HDAC11: variants seen among roughly 807,000 people sequenced by gnomAD.
HDAC11 encodes histone deacetylase 11.
Under a neutral mutation model 41.1 loss-of-function variants are expected in HDAC11, and 23 were observed. That is an observed-to-expected ratio of 0.56 (90% CI 0.40 to 0.79). The LOEUF (loss-of-function observed/expected upper bound fraction) is 0.79, where lower values mean the gene tolerates loss of function less well. Ranked by LOEUF, HDAC11 falls within the 30% of genes least tolerant of loss-of-function variation. HDAC11 has a pLI of 0.00. For synonymous variants in HDAC11, 187 were observed against 186.6 expected (o/e 1.00, Z -0.02); for missense variants, 402 against 477.3 (o/e 0.84, Z 1.47).
In HDAC11 at chr3:13,501,851, T is replaced by A. The variant is rs776811817; in HGVS notation, c.490-20T>A. 6.2e-7 allele frequency: 1 copy of A among 1,613,052 alleles called. No homozygotes were observed. The highest frequency in any genetic ancestry group is 1.1e-5 in the South Asian group (1 of 91,056). Reference sequence around the variant, plus strand: ...TCTGTCCGCCCCAGATCCTCATGTCTACCCTCTCCTCCCTGGCAGTTTCTG... The same window carrying A: ...TCTGTCCGCCCCAGATCCTCATGTCAACCCTCTCCTCCCTGGCAGTTTCTG... On this transcript the variant is annotated intron_variant, in intron 6 of 9. Coordinates refer to ENST00000295757, the MANE Select transcript of HDAC11 (RefSeq NM_024827.4).
intron 3 of HDAC11, among the ~76,000 whole-genome samples, chr3:13,485,229 G>A (rs1701504356): frequency 6.6e-6 from 1 of 152,230 alleles, no homozygotes; most frequent in African/African-American, 2.4e-5. Context: ...TCTAGATAGG[G>A]CCACGACAGT....
At chr3:13,492,925 T>C (rs1386971309) in intron 3 of HDAC11, among the ~76,000 whole-genome samples, 3 of 152,140 alleles carry the variant, frequency 2.0e-5, no homozygotes, top group African/African-American at 7.2e-5. Context: ...CAAAGCCTTG[T>C]TTTATAGATG....
intron 5 of HDAC11, 63 bp downstream of exon 5, chr3:13,498,618 G>A: frequency 6.6e-7 from 1 of 1,510,050 alleles, no homozygotes; most frequent in Non-Finnish European, 9.2e-7. Context: ...CCTGAAAGGG[G>A]GCTGGGGGAG....
chr3:13,501,741 G>T (rs778933946), intron 6 of HDAC11, 130 bp from the exon 7 acceptor site: 6 of 794,734 alleles, frequency 7.5e-6, no homozygotes, highest in Non-Finnish European at 1.4e-5. Context: ...TGACATCTTT[G>T]CTGGGTGGCC....
At chr3:13,483,443 A>G (rs374329777) in intron 2 of HDAC11, 21 bp from the exon 3 acceptor site, 1 of 1,607,940 alleles carries the variant, frequency 6.2e-7, no homozygotes, top group African/African-American at 1.3e-5. Context: ...GGGAAGCAGG[A>G]TGCTCCCTCT....
intron 3 of HDAC11, among the ~76,000 whole-genome samples, chr3:13,493,375 C>T (rs555507054): frequency 4.6e-5 from 7 of 152,230 alleles, no homozygotes; most frequent in Non-Finnish European, 1.0e-4. Flanking sequence ...CTGTTTATTT[C>T]TCACCTTGGC....
chr3:13,500,298 G>T (rs974260025), intron 5 of HDAC11, among the ~76,000 whole-genome samples: 1 of 152,112 alleles, frequency 6.6e-6, no homozygotes, highest in African/African-American at 2.4e-5. Context: ...CGTGGCTGTA[G>T]GCAGTCATGA....
intron 2 of HDAC11, among the ~76,000 whole-genome samples, chr3:13,483,176 C>T (rs1701401861): frequency 6.6e-6 from 1 of 152,060 alleles, no homozygotes; most frequent in South Asian, 2.1e-4. Context: ...CCACCTGCTC[C>T]TGAAGGTTGT....
At position 13,504,106 on chromosome 3, in the gene HDAC11, G is replaced by A. The variant is rs150690094; in HGVS notation, c.662G>A (p.Arg221Gln). 7.4e-5 allele frequency: 119 copies of A among 1,613,992 alleles called. No homozygotes were observed. The African/African-American group carries it at 1.1e-3, about 15-fold the overall frequency. Residue 221 changes from arginine to glutamine, a missense_variant, in exon 9 of 10, where the codon CGG (arginine) becomes CAG (glutamine). Coordinates refer to ENST00000295757, the MANE Select transcript of HDAC11 (RefSeq NM_024827.4). ...GDRFAKQAIRRKVELEWGTED... is the reference protein window; with the variant it reads ...GDRFAKQAIRQKVELEWGTED... ...GTCTCTCTCCCAGAGGCCATCAGGC[G>A]GAAGGTGGAGCTGGAGTGGGGCACA...
intron 3 of HDAC11, among the ~76,000 whole-genome samples, chr3:13,489,549 C>T (rs1701749611): frequency 6.6e-6 from 1 of 152,152 alleles, no homozygotes; most frequent in African/African-American, 2.4e-5. Context: ...TCTAGACTCT[C>T]AATTCTATTC....
Position 13,480,530 on chromosome 3 carries a change from C to T in HDAC11, c.2+181C>T, listed in dbSNP as rs1701256527. Reference sequence around the variant, plus strand: ...CCCTCCCGGCGCGCCAGGCCAGCCCCGCGCCCCTGCTCGGTGGCCCGAGGG... The same window carrying T: ...CCCTCCCGGCGCGCCAGGCCAGCCCTGCGCCCCTGCTCGGTGGCCCGAGGG... On this transcript the variant is annotated intron_variant, in intron 1 of 9. Transcript: ENST00000295757. This position sits in a 1 kb window ranked among gnomAD's most constrained non-coding sequence, Gnocchi z 4.6. The T allele has an allele frequency of 3.0e-6, 1 of 328,660 alleles. No homozygotes were observed. The highest frequency in any genetic ancestry group is 5.5e-6 in the Non-Finnish European group (1 of 180,650). 20.4% of individuals were successfully genotyped at this position (328,660 alleles called of 1,614,324 possible). A position where few individuals can be genotyped will look rare whatever the true frequency, so the allele number is the denominator to read the frequency against.
At chr3:13,489,253 T>G (rs1701737615) in intron 3 of HDAC11, among the ~76,000 whole-genome samples, 1 of 152,240 alleles carries the variant, frequency 6.6e-6, no homozygotes, top group Non-Finnish European at 1.5e-5. Context: ...AATTTATCTT[T>G]TTTTCCTTTT....
At position 13,504,866 on chromosome 3, in the gene HDAC11, G is replaced by A. The variant is rs1024387223; in HGVS notation, c.*183G>A. On this transcript the variant is annotated 3_prime_UTR_variant, in exon 10 of 10. Coordinates refer to ENST00000295757, the MANE Select transcript of HDAC11 (RefSeq NM_024827.4). ...CTGCTGGAAGCCAGAAGGGCTTGAG[G>A]CCTCTATGGGTGGGGGCAGAAGGCA... 6 of 626,266 alleles carry A rather than the reference G, an allele frequency of 9.6e-6. No individual in the cohort carries two copies. The highest frequency in any genetic ancestry group is 2.7e-5 in the Admixed American group (1 of 36,370). 38.8% of individuals were successfully genotyped at this position (626,266 alleles called of 1,614,324 possible).
At chr3:13,487,685 C>T (rs1213690543) in intron 3 of HDAC11, among the ~76,000 whole-genome samples, 2 of 152,140 alleles carry the variant, frequency 1.3e-5, no homozygotes, top group African/African-American at 4.8e-5. Flanking sequence ...CCTGTGCACT[C>T]TGCACTGGAC....
At chr3:13,486,822 A>G (rs1407744217) in intron 3 of HDAC11, among the ~76,000 whole-genome samples, 2 of 152,000 alleles carry the variant, frequency 1.3e-5, no homozygotes, top group East Asian at 3.9e-4. Context: ...CAAGCAATCC[A>G]TCTGCCTCGG....
At chr3:13,488,315 T>G (rs1337318330) in intron 3 of HDAC11, among the ~76,000 whole-genome samples, 1 of 152,170 alleles carries the variant, frequency 6.6e-6, no homozygotes, top group African/African-American at 2.4e-5. Flanking sequence ...AACTGTACAG[T>G]TCAGTGGCCT....
Position 13,504,904 on chromosome 3 carries a change from CA to C in HDAC11, c.*222del. The C allele has an allele frequency of 5.0e-6, 3 of 594,866 alleles. No homozygotes were observed. The highest frequency in any genetic ancestry group is 9.0e-6 in the Non-Finnish European group (3 of 334,678). 36.8% of individuals were successfully genotyped at this position (594,866 alleles called of 1,614,324 possible). ...GGGGCAGAAGGCAGAGCCTGTGTCCCAGGGGGACCCACACGAAGTCACCAGC... is the reference window on the plus strand; with the variant it reads ...GGGGCAGAAGGCAGAGCCTGTGTCCCGGGGGACCCACACGAAGTCACCAGC... On this transcript the variant is annotated 3_prime_UTR_variant, in exon 10 of 10. Transcript: ENST00000295757.
intron 3 of HDAC11, 37 bp from the exon 4 acceptor site, chr3:13,496,699 G>C (rs1376335835): frequency 1.4e-6 from 2 of 1,410,314 alleles, no homozygotes; most frequent in Non-Finnish European, 2.0e-6. Context: ...CTCAGGGTGG[G>C]GAAGCGGAGG....
chr3:13,496,822 C>T lies in HDAC11; in HGVS notation c.339C>T (p.Pro113=). 6.3e-7 allele frequency: 1 copy of T among 1,599,562 alleles called. No homozygotes were observed. The highest frequency in any genetic ancestry group is 1.1e-5 in the South Asian group (1 of 89,230). ...NFLVQRKVLR[P]LRTQTGGTIM... ...TTGTGCAGAGGAAGGTGCTGAGGCC[C>T]CTTCGGACCCAGACAGGAGGAACCA... is the stretch of plus-strand genomic sequence containing the variant. Residue 113 remains proline (P), a synonymous_variant, in exon 4 of 10, where the codon CCC becomes CCT. Coordinates refer to ENST00000295757, the MANE Select transcript of HDAC11 (RefSeq NM_024827.4).
Sources: allele counts gnomAD v4.1 joint callset (sites outside exome capture counted in the v4.1 genomes callset), GRCh38; gene constraint gnomAD v4.1.1; non-coding constraint Gnocchi (gnomAD v3.1); transcripts MANE v1.5; gene names NCBI Gene and HGNC (gene_info 2026-07-23, HGNC 2026-07-21).